Variants in STAG1 observed in about 807,000 individuals in gnomAD.
STAG1 encodes the protein STAG1 cohesin complex component, also known as cohesin subunit SA-1.
In STAG1, 26 loss-of-function variants were observed where a neutral mutation model predicts 170.9. The ratio of observed to expected loss-of-function variants is 0.15; its 90% CI spans 0.11 to 0.21. The LOEUF is 0.21. Ranked by LOEUF, STAG1 falls within the 10% of genes least tolerant of loss-of-function variation. The pLI, the probability that STAG1 is intolerant of heterozygous loss-of-function variation, is 1.00. For synonymous variants in STAG1, 514 were observed against 497.7 expected, an observed-to-expected ratio of 1.03 and a Z score of -0.44; for missense variants, 964 against 1,509.5, an observed-to-expected ratio of 0.64 and a Z score of 5.99.
At chr3:136,667,653 G>A (rs1256700487) in intron 1 of STAG1, among the ~76,000 whole-genome samples, 3 of 151,906 alleles carry the variant, frequency 2.0e-5, no homozygotes, top group South Asian at 4.2e-4. Context: ...ATGCCACCAC[G>A]CCCAGCTAAG....
rs1193212374 is a variant in STAG1, at chr3:136,417,916, G to A, written c.2165C>T (p.Thr722Ile). 6 of 1,613,782 alleles carry A rather than the reference G, an allele frequency of 3.7e-6. No homozygotes were observed. Among genetic ancestry groups the A allele is most frequent in the Non-Finnish European group, 5.1e-6 (6 of 1,179,860 alleles). ...TGGCATGGCTCCATGTTCAATTCCA[G>A]TCTTCAATAATCTGTAGCAATTACC... ...LFGNCYRLLK[T>I]GIEHGAMPEQ... is the part of the protein sequence containing the mutation. The change falls in exon 21 of 34, where the codon ACT becomes ATT. Residue 722 changes from threonine (T) to isoleucine (I), a missense_variant. By Grantham distance (89) the Thr-to-Ile change is moderately conservative (BLOSUM62 -1). Coordinates refer to ENST00000383202, the MANE Select transcript of STAG1 (RefSeq NM_005862.3).
intron 5 of STAG1, among the ~76,000 whole-genome samples, chr3:136,550,350 C>T (rs1191594074): frequency 1.3e-5 from 2 of 151,648 alleles, no homozygotes; most frequent in African/African-American, 2.4e-5. Context: ...CTCTGTCGCC[C>T]AGGCTGGAGT....
intron 1 of STAG1, among the ~76,000 whole-genome samples, chr3:136,704,286 G>A (rs1330698874): frequency 2.0e-5 from 3 of 151,718 alleles, no homozygotes; most frequent in Non-Finnish European, 4.4e-5. Flanking sequence ...CCTGACCTCA[G>A]GTGATCCGCC....
At chr3:136,544,368 T>C (rs560025827) in intron 5 of STAG1, among the ~76,000 whole-genome samples, 14 of 152,224 alleles carry the variant, frequency 9.2e-5, no homozygotes, top group Admixed American at 9.2e-4. Context: ...TCCCTCCAAC[T>C]AGGTACACAA....
intron 1 of STAG1, among the ~76,000 whole-genome samples, chr3:136,675,809 A>G (rs1942112866): frequency 6.6e-6 from 1 of 152,194 alleles, no homozygotes; most frequent in African/African-American, 2.4e-5. Flanking sequence ...ATTTGTGTCC[A>G]GTCATATGTT....
intron 23 of STAG1, among the ~76,000 whole-genome samples, chr3:136,373,107 T>C (rs945151197): frequency 4.8e-4 from 73 of 152,366 alleles, no homozygotes; most frequent in African/African-American, 1.7e-3. Context: ...ATTTATCCAT[T>C]TCTTCTAGAT....
At chr3:136,347,430 T>A (rs1936275121) in intron 29 of STAG1, among the ~76,000 whole-genome samples, 1 of 149,312 alleles carries the variant, frequency 6.7e-6, no homozygotes, top group South Asian at 2.1e-4. Context: ...GAAATGCCTG[T>A]AGTCATTCTT....
intron 13 of STAG1, among the ~76,000 whole-genome samples, chr3:136,453,339 C>A (rs2089000606): frequency 6.6e-6 from 1 of 152,054 alleles, no homozygotes. Flanking sequence ...CGCCTATAAT[C>A]CCAGCTCTTT....
chr3:136,488,263 T>C (rs1045975524), intron 9 of STAG1, among the ~76,000 whole-genome samples: 4 of 152,152 alleles, frequency 2.6e-5, no homozygotes, highest in Admixed American at 2.6e-4. Flanking sequence ...GCTGGGACTA[T>C]AGGCACGTGC....
chr3:136,414,292 C>T (rs1185097587), intron 21 of STAG1, among the ~76,000 whole-genome samples: 1 of 152,228 alleles, frequency 6.6e-6, no homozygotes, highest in African/African-American at 2.4e-5. Flanking sequence ...CCCTCTCCCA[C>T]CCTTGTCACT....
chr3:136,562,313 T>G (rs981028400), intron 5 of STAG1, among the ~76,000 whole-genome samples: 2 of 151,110 alleles, frequency 1.3e-5, no homozygotes, highest in Non-Finnish European at 2.9e-5. Flanking sequence ...CAGCCTGGAG[T>G]GCAATGGTGT....
intron 9 of STAG1, among the ~76,000 whole-genome samples, chr3:136,496,098 T>C (rs1389818754): frequency 6.6e-6 from 1 of 151,924 alleles, no homozygotes; most frequent in Non-Finnish European, 1.5e-5. Flanking sequence ...GAGCTGAGAT[T>C]GTACCACTGC....
chr3:136,500,650 G>A (rs1933412328), intron 8 of STAG1, among the ~76,000 whole-genome samples: 1 of 152,078 alleles, frequency 6.6e-6, no homozygotes, highest in South Asian at 2.1e-4. Context: ...GCCTTTCTTG[G>A]TTAAAGGAAC....
intron 9 of STAG1, among the ~76,000 whole-genome samples, chr3:136,493,659 A>G (rs1271834409): frequency 6.7e-6 from 1 of 148,204 alleles, no homozygotes; most frequent in African/African-American, 2.6e-5. Context: ...TGTCTCCGAA[A>G]AAAAAAAAAA....
chr3:136,660,220 A>G (rs931956776), intron 1 of STAG1, among the ~76,000 whole-genome samples: 4 of 152,188 alleles, frequency 2.6e-5, no homozygotes, highest in Non-Finnish European at 1.5e-5. Context: ...TCTTTCTCAT[A>G]GAGAGATGTA....
At chr3:136,449,969 A>C (rs947441095) in intron 14 of STAG1, among the ~76,000 whole-genome samples, 10 of 144,144 alleles carry the variant, frequency 6.9e-5, no homozygotes, top group Non-Finnish European at 1.5e-4. Context: ...ATCATAGCTT[A>C]CTGCAGCCTG....
chr3:136,683,270 T>C (rs1314737731), intron 1 of STAG1, among the ~76,000 whole-genome samples: 2 of 22,370 alleles, frequency 8.9e-5, no homozygotes, highest in African/African-American at 4.0e-3. Flanking sequence ...TCAACACAAT[T>C]TTTTTTTTTT....
chr3:136,417,829 A>C, intron 21 of STAG1, 56 bp downstream of exon 21: 1 of 1,307,648 alleles, frequency 7.6e-7, no homozygotes, highest in Non-Finnish European at 1.1e-6. Flanking sequence ...TAATCATATG[A>C]CTTCAGAAAA....
chr3:136,338,392 G>T lies in STAG1; in HGVS notation c.3731C>A (p.Ala1244Glu). ...AELRPDFFDS[A>E]AIIEDDSGFG... ...TACTGAATCATCTTCTATGATAGCTGCAGAGTCAAAGAAGTCTGGCCTTAG... is the reference window on the plus strand; with the variant it reads ...TACTGAATCATCTTCTATGATAGCTTCAGAGTCAAAGAAGTCTGGCCTTAG... Residue 1244 changes from alanine to glutamate, a missense_variant, in exon 33 of 34, where the codon GCA becomes GAA. Transcript: ENST00000383202. The T allele has an allele frequency of 6.2e-7, 1 of 1,613,396 alleles. No homozygotes were observed. The highest frequency in any genetic ancestry group is 8.5e-7 in the Non-Finnish European group (1 of 1,179,346).
Sources: allele counts gnomAD v4.1 joint callset (sites outside exome capture counted in the v4.1 genomes callset), GRCh38; gene constraint gnomAD v4.1.1; transcripts MANE v1.5; gene names NCBI Gene and HGNC (gene_info 2026-07-23, HGNC 2026-07-21).